The following PCDHGB6 variants were observed in gnomAD, a reference collection of about 807,000 sequenced individuals.
The protein encoded by PCDHGB6 is protocadherin gamma subfamily B, 6.
PCDHGB6 carries 51 observed loss-of-function variants against 59.1 expected under a neutral mutation model. The ratio of observed to expected loss-of-function variants is 0.86; its 90% confidence interval spans 0.69 to 1.09. PCDHGB6 has a LOEUF of 1.09. Among genes scored for constraint, PCDHGB6 ranks in the 50% least tolerant of loss-of-function variants. The probability of loss-of-function intolerance (pLI) is 0.00; values close to 1 mark genes in which losing one functional copy is unlikely to be tolerated. For synonymous variants in PCDHGB6, 466 were observed against 495.1 expected (o/e 0.94, Z 0.78); for missense variants, 1,148 against 1,205.1 (o/e 0.95, Z 0.70).
chr5:141,426,166 G>A (rs545570121), intron 1 of PCDHGB6: 4 of 155,070 alleles, frequency 2.6e-5, no homozygotes, highest in South Asian at 2.0e-4. Context: ...GATTCCATAC[G>A]GATTGGGGTG....
intron 1 of PCDHGB6, chr5:141,427,093 G>A (rs1446677593): frequency 2.2e-6 from 1 of 458,122 alleles, no homozygotes. Flanking sequence ...CAGGATGAGG[G>A]TGTCAATGCG....
intron 1 of PCDHGB6, among the ~76,000 whole-genome samples, chr5:141,469,029 C>A (rs2099189188): frequency 6.6e-6 from 1 of 152,052 alleles, no homozygotes; most frequent in Non-Finnish European, 1.5e-5. Flanking sequence ...GTAATCCCAG[C>A]ACTTTGGGAG....
intron 2 of PCDHGB6, among the ~76,000 whole-genome samples, chr5:141,500,985 C>T (rs2099804537): frequency 6.6e-6 from 1 of 152,048 alleles, no homozygotes; most frequent in Non-Finnish European, 1.5e-5. Flanking sequence ...TCTCCTGCCT[C>T]AGCCTCCTGA....
At chr5:141,420,713 G>T (rs1406572601) in intron 1 of PCDHGB6, among the ~76,000 whole-genome samples, 1 of 152,078 alleles carries the variant, frequency 6.6e-6, no homozygotes, top group African/African-American at 2.4e-5. Flanking sequence ...CAGAAATGTC[G>T]TTCCTTTCAG....
chr5:141,489,151 A>G lies in PCDHGB6; in HGVS notation c.2419-5656A>G. On this transcript the variant is annotated intron_variant, in intron 1 of 3. Transcript: ENST00000520790. This position sits in a 1 kb window ranked among gnomAD's most constrained non-coding sequence, Gnocchi z 4.5. ...TTTTTAAGAGGCTGGAAGGAGACAT[A>G]AGAGACTTCAGCTGCTGCATTCCAA... is the stretch of plus-strand genomic sequence containing the variant. The G allele has an allele frequency of 4.3e-6, 4 of 932,968 alleles. No individual in the cohort carries two copies. Among genetic ancestry groups the G allele is most frequent in the Non-Finnish European group, 6.4e-6 (4 of 622,052 alleles). 57.8% of individuals were successfully genotyped at this position (932,968 alleles called of 1,614,324 possible).
At chr5:141,475,934 G>T in intron 1 of PCDHGB6, 1 of 665,236 alleles carries the variant, frequency 1.5e-6, no homozygotes, top group Non-Finnish European at 2.5e-6. Context: ...TCGGGCCCCT[G>T]CCCGTCCCCT....
At chr5:141,427,857 G>A (rs746661329) in intron 1 of PCDHGB6, 36 of 1,554,574 alleles carry the variant, frequency 2.3e-5, no homozygotes, top group Non-Finnish European at 2.9e-5. Context: ...GCAGCTGTGC[G>A]CCTTCGAGCT....
At chr5:141,422,891 A>G in intron 1 of PCDHGB6, 3 of 1,614,192 alleles carry the variant, frequency 1.9e-6, no homozygotes, top group Non-Finnish European at 2.5e-6. Context: ...TTCGTGCTGG[A>G]CCAGAACGAC....
chr5:141,506,380 T>C (rs1209879935), intron 3 of PCDHGB6, among the ~76,000 whole-genome samples: 1 of 141,314 alleles, frequency 7.1e-6, no homozygotes, highest in Non-Finnish European at 1.5e-5. Flanking sequence ...ACCTGGGAGG[T>C]GGCTGTGGTG....
Position 141,477,148 on chromosome 5 carries a change from T to A in PCDHGB6, c.2419-17659T>A. 1 of 1,614,172 alleles carries A rather than the reference T, an allele frequency of 6.2e-7. No individual in the cohort carries two copies. Among genetic ancestry groups the A allele is most frequent in the African/African-American group, 1.3e-5 (1 of 75,050 alleles). On this transcript the variant is annotated intron_variant, in intron 1 of 3. Transcript: ENST00000520790. This position sits in a 1 kb window ranked among gnomAD's most constrained non-coding sequence, Gnocchi z 4.9. ...GCAAAGTGTTGGTGGAGGTTGTGGA[T>A]GTGAATGACAACGCCCCGGAGATCA...
intron 1 of PCDHGB6, chr5:141,420,315 A>G (rs755723069): frequency 6.2e-6 from 9 of 1,440,144 alleles, no homozygotes; most frequent in Non-Finnish European, 8.4e-6. Context: ...TTATATTACA[A>G]TATGCCAATA....
chr5:141,493,021 G>C lies in PCDHGB6; in HGVS notation c.2419-1786G>C, dbSNP rs1261539371. On this transcript the variant is annotated intron_variant, in intron 1 of 3. Transcript: ENST00000520790. This position sits in a 1 kb window ranked among gnomAD's most constrained non-coding sequence, Gnocchi z 4.3. ...AGCTATAGGCTCTGCCAGATGCCAG[G>C]GTGCCCTTATGTGTGAGGAAACTAC... Among the ~76,000 whole-genome samples, 1 of 152,180 alleles carries C rather than the reference G, an allele frequency of 6.6e-6. No individual in the cohort carries two copies. The highest frequency in any genetic ancestry group is 6.5e-5 in the Admixed American group (1 of 15,284).
In PCDHGB6 at chr5:141,413,486, C is replaced by T. The variant is rs756751796; in HGVS notation, c.2418+2866C>T. On this transcript the variant is annotated intron_variant, in intron 1 of 3. Transcript: ENST00000520790. Reference sequence around the variant, plus strand: ...CGGGAGGAGCTCTGCGCTCAGAGCGCGCGGTGCGTGGTGAGTTTTAATATC... The same window carrying T: ...CGGGAGGAGCTCTGCGCTCAGAGCGTGCGGTGCGTGGTGAGTTTTAATATC... 5.0e-6 allele frequency: 8 copies of T among 1,613,914 alleles called. No homozygotes were observed. The African/African-American group carries it at 9.3e-5, about 19-fold the overall frequency.
intron 1 of PCDHGB6, chr5:141,478,429 G>C: frequency 6.2e-7 from 1 of 1,613,674 alleles, no homozygotes; most frequent in Non-Finnish European, 8.5e-7. Flanking sequence ...GCAGCGACCC[G>C]CTGCTGAAGA....
chr5:141,416,223 A>AT, intron 1 of PCDHGB6: 1 of 152,302 alleles, frequency 6.6e-6, no homozygotes, highest in East Asian at 1.9e-4. Flanking sequence ...GTATGCTTAG[A>AT]TTTTTCCAGC....
rs1186225096 is a variant in PCDHGB6, at chr5:141,490,605, C to G, written c.2419-4202C>G. The G allele has an allele frequency of 1.1e-5, 18 of 1,614,198 alleles. No homozygotes were observed. Among genetic ancestry groups the G allele is most frequent in the Non-Finnish European group, 1.5e-5 (18 of 1,180,030 alleles). On this transcript the variant is annotated intron_variant, in intron 1 of 3. Transcript: ENST00000520790. The surrounding 1 kb of genome is among the most constrained non-coding windows in gnomAD (Gnocchi z 5.4). ...TCAATGACAATGCACCCCGCTTCAACCAGCAGCTTTACACTGCTTACATCC... is the reference window on the plus strand; with the variant it reads ...TCAATGACAATGCACCCCGCTTCAAGCAGCAGCTTTACACTGCTTACATCC...
At chr5:141,495,292 C>T (rs74321313) in intron 2 of PCDHGB6, among the ~76,000 whole-genome samples, 8,567 of 152,256 alleles carry the variant, frequency 0.056, 526 homozygotes, top group African/African-American at 0.16. Context: ...CCGCACTCAG[C>T]GCCTCCTCCA....
intron 1 of PCDHGB6, chr5:141,423,851 C>T (rs1311833319): frequency 7.8e-6 from 10 of 1,275,940 alleles, no homozygotes; most frequent in African/African-American, 1.6e-5. Flanking sequence ...TCTTTCAGAA[C>T]GTTTTTGTGA....
chr5:141,414,181 A>G, intron 1 of PCDHGB6: 2 of 1,609,294 alleles, frequency 1.2e-6, no homozygotes, highest in South Asian at 1.1e-5. Context: ...TGCAACTGCA[A>G]AAGTGTTGAT....
Sources: gnomAD v4.1 joint callset for allele counts (sites outside exome capture counted in the v4.1 genomes callset) on GRCh38, gnomAD v4.1.1 for gene constraint, Gnocchi (gnomAD v3.1) non-coding constraint, MANE v1.5 for transcripts, NCBI Gene and HGNC (gene_info 2026-07-23, HGNC 2026-07-21) for gene names.